AP3S1: variants seen among roughly 807,000 people sequenced by gnomAD.
The protein encoded by AP3S1 is AP-3 complex subunit sigma-1.
Under a neutral mutation model 21.3 loss-of-function variants are expected in AP3S1, and 12 were observed. The observed-to-expected ratio is 0.56, with a 90% CI of 0.36 to 0.91. The LOEUF is 0.91. Ranked by LOEUF, AP3S1 falls within the 40% of genes least tolerant of loss-of-function variation. The pLI is 0.01. For missense variants in AP3S1, 116 were observed against 225.0 expected (o/e 0.52, Z 3.10); for synonymous variants, 48 against 78.4 (o/e 0.61, Z 2.05).
chr5:115,842,505 T>TCCTGC (rs1761679623), intron 1 of AP3S1: 1 of 167,636 alleles, frequency 6.0e-6, no homozygotes, highest in African/African-American at 2.4e-5. Context: ...CGGCTGCAGT[T>TCCTGC]AGCCCGGGAG....
chr5:115,865,317 G>A (rs921270321), intron 1 of AP3S1, among the ~76,000 whole-genome samples: 22 of 152,122 alleles, frequency 1.4e-4, no homozygotes, highest in African/African-American at 5.1e-4. Context: ...ATTGTTAAGA[G>A]AAAAAGTGTA....
intron 4 of AP3S1, among the ~76,000 whole-genome samples, chr5:115,900,193 T>C (rs1393910331): frequency 6.6e-6 from 1 of 152,200 alleles, no homozygotes; most frequent in Non-Finnish European, 1.5e-5. Context: ...AGATAAATTC[T>C]AGAGTATTTT....
chr5:115,841,970 C>A lies in AP3S1; in HGVS notation c.-68C>A, dbSNP rs1283703068. On this transcript the variant is annotated 5_prime_UTR_variant, in exon 1 of 6. Transcript: ENST00000316788. ...TGGGGAAGGATCGCAGGCGAGATTA[C>A]GAGGCGAGGCTCGCGCGCCCGCCCC... 4 of 1,461,998 alleles carry A rather than the reference C, an allele frequency of 2.7e-6. No individual in the cohort carries two copies. The highest frequency in any genetic ancestry group is 1.4e-5 in the African/African-American group (1 of 69,202). 90.6% of individuals were successfully genotyped at this position (1,461,998 alleles called of 1,614,324 possible).
chr5:115,894,393 A>G (rs1224722392), intron 3 of AP3S1, among the ~76,000 whole-genome samples: 3 of 152,182 alleles, frequency 2.0e-5, no homozygotes, highest in Non-Finnish European at 4.4e-5. Flanking sequence ...TACCTGCTCA[A>G]ATTGGTACAG....
intron 1 of AP3S1, among the ~76,000 whole-genome samples, chr5:115,864,537 A>G (rs1408626875): frequency 6.6e-6 from 1 of 152,230 alleles, no homozygotes; most frequent in Non-Finnish European, 1.5e-5. Flanking sequence ...TGGAAGGGTG[A>G]CATCATTAAA....
chr5:115,866,872 T>C (rs1327122325), intron 2 of AP3S1, 111 bp downstream of exon 2: 1 of 497,476 alleles, frequency 2.0e-6, no homozygotes, highest in African/African-American at 2.0e-5. Flanking sequence ...TTGGATTAGG[T>C]GAATTAATTG....
At chr5:115,861,780 C>G (rs1763205061) in intron 1 of AP3S1, among the ~76,000 whole-genome samples, 1 of 151,684 alleles carries the variant, frequency 6.6e-6, no homozygotes, top group Non-Finnish European at 1.5e-5. Context: ...CTTCTAGACT[C>G]AAGAGATCAT....
At chr5:115,844,278 A>G (rs1187957003) in intron 1 of AP3S1, among the ~76,000 whole-genome samples, 1 of 152,186 alleles carries the variant, frequency 6.6e-6, no homozygotes, top group Non-Finnish European at 1.5e-5. Context: ...TGAACAGATA[A>G]CTTTCGCTCT....
chr5:115,878,446 A>G (rs183942502), intron 3 of AP3S1, among the ~76,000 whole-genome samples: 1 of 152,120 alleles, frequency 6.6e-6, no homozygotes, highest in Non-Finnish European at 1.5e-5. Context: ...AACATCTATT[A>G]AACAGGGATC....
intron 3 of AP3S1, among the ~76,000 whole-genome samples, chr5:115,887,845 G>T (rs1749933845): frequency 6.6e-6 from 1 of 151,996 alleles, no homozygotes; most frequent in Non-Finnish European, 1.5e-5. Flanking sequence ...ACTCTTTGTG[G>T]CCTGGATGTA....
At chr5:115,851,828 C>A (rs994534050) in intron 1 of AP3S1, among the ~76,000 whole-genome samples, 2 of 151,874 alleles carry the variant, frequency 1.3e-5, no homozygotes, top group Non-Finnish European at 2.9e-5. Context: ...ATTTAACTTA[C>A]GTTTTTGTTG....
chr5:115,847,817 C>T (rs1762169361), intron 1 of AP3S1, among the ~76,000 whole-genome samples: 1 of 152,094 alleles, frequency 6.6e-6, no homozygotes, highest in South Asian at 2.1e-4. Flanking sequence ...TAGATTGCTT[C>T]TGAGGTTGTT....
At chr5:115,908,154 G>A (rs1332988989) in intron 5 of AP3S1, among the ~76,000 whole-genome samples, 2 of 152,066 alleles carry the variant, frequency 1.3e-5, no homozygotes, top group Non-Finnish European at 2.9e-5. Flanking sequence ...TCACAAAACT[G>A]GGGTACCGTT....
intron 1 of AP3S1, among the ~76,000 whole-genome samples, chr5:115,844,101 C>T (rs1233999671): frequency 7.9e-5 from 12 of 152,112 alleles, no homozygotes; most frequent in Admixed American, 7.9e-4. Context: ...GTTTTTTTGT[C>T]TTTCAGGAAT....
At chr5:115,858,836 TTAA>T (rs1304049303) in intron 1 of AP3S1, among the ~76,000 whole-genome samples, 2 of 150,626 alleles carry the variant, frequency 1.3e-5, no homozygotes, top group African/African-American at 4.8e-5. Flanking sequence ...TTCTCTTATA[TTAA>T]TGATATATAT....
chr5:115,855,464 T>C (rs1762739077), intron 1 of AP3S1, among the ~76,000 whole-genome samples: 1 of 152,054 alleles, frequency 6.6e-6, no homozygotes, highest in South Asian at 2.1e-4. Context: ...CTCAGCCTCC[T>C]GAGTAACTGG....
intron 3 of AP3S1, among the ~76,000 whole-genome samples, chr5:115,877,644 G>A (rs1381452840): frequency 2.0e-5 from 3 of 151,980 alleles, no homozygotes; most frequent in African/African-American, 2.4e-5. Context: ...TATTGTGAAC[G>A]GTGCTGCAGT....
At chr5:115,844,949 C>CT (rs1375412296) in intron 1 of AP3S1, among the ~76,000 whole-genome samples, 1 of 152,216 alleles carries the variant, frequency 6.6e-6, no homozygotes, top group African/African-American at 2.4e-5. Context: ...AGAAAACTCT[C>CT]TAACTCTTTG....
chr5:115,879,681 C>T (rs1363738873), intron 3 of AP3S1, among the ~76,000 whole-genome samples: 2 of 152,104 alleles, frequency 1.3e-5, no homozygotes, highest in East Asian at 1.9e-4. Context: ...GTGTCTCTCT[C>T]AGGCTCTGGT....
Sources: gnomAD v4.1 joint callset for allele counts (sites outside exome capture counted in the v4.1 genomes callset) on GRCh38, gnomAD v4.1.1 for gene constraint, MANE v1.5 for transcripts, NCBI Gene and HGNC (gene_info 2026-07-23, HGNC 2026-07-21) for gene names.